Variants in NFIA observed in about 807,000 individuals in gnomAD.
NFIA encodes the protein nuclear factor 1 A-type.
In NFIA, 8 loss-of-function variants were observed where a neutral mutation model predicts 62.8. That is an observed-to-expected ratio of 0.13 (90% CI 0.07 to 0.23). NFIA has a LOEUF of 0.23. Ranked by LOEUF, NFIA falls within the 10% of genes least tolerant of loss-of-function variation. The pLI is 1.00. For synonymous variants in NFIA, 235 were observed against 238.1 expected (o/e 0.99, Z 0.12); for missense variants, 410 against 642.1 (o/e 0.64, Z 3.91).
At chr1:61,106,566 A>G (rs1434819067) in intron 2 of NFIA, among the ~76,000 whole-genome samples, 2 of 151,890 alleles carry the variant, frequency 1.3e-5, no homozygotes, top group African/African-American at 4.8e-5. Context: ...TGGAAATCCA[A>G]ATGTATTTCT....
At chr1:61,247,369 G>A (rs1655713345) in intron 2 of NFIA, among the ~76,000 whole-genome samples, 2 of 152,214 alleles carry the variant, frequency 1.3e-5, no homozygotes, top group South Asian at 2.1e-4. Flanking sequence ...CTTTCAGAAT[G>A]TATGTGTTTG....
In NFIA at chr1:61,415,622, CA is replaced by C. The variant is rs137915869; in HGVS notation, c.1420+8898del. ...GTGATATTTTTACCTATTAGATTAGCAAAGATCAAAAGGTGTCTTAACACAA... is the reference window on the plus strand; with the variant it reads ...GTGATATTTTTACCTATTAGATTAGCAAGATCAAAAGGTGTCTTAACACAA... On this transcript the variant is annotated intron_variant, in intron 9 of 10. Coordinates refer to ENST00000403491, the MANE Select transcript of NFIA (RefSeq NM_001134673.4). 5.5e-3 allele frequency among the ~76,000 whole-genome samples: 839 copies of C among 152,128 alleles called. 4 individuals are homozygous for C. Among genetic ancestry groups the C allele is most frequent in the Non-Finnish European group, 9.7e-3 (657 of 67,944 alleles).
chr1:61,437,812 A>C (rs1390195874), intron 10 of NFIA, among the ~76,000 whole-genome samples: 2 of 152,162 alleles, frequency 1.3e-5, no homozygotes, highest in Non-Finnish European at 2.9e-5. Flanking sequence ...GGAACAGTGC[A>C]TGCAAAGGAA....
chr1:61,345,082 A>T (rs773801489), intron 4 of NFIA, among the ~76,000 whole-genome samples: 2 of 150,506 alleles, frequency 1.3e-5, no homozygotes, highest in African/African-American at 2.4e-5. Context: ...CATTCTACTT[A>T]TGACAGGAAA....
intron 2 of NFIA, among the ~76,000 whole-genome samples, chr1:61,249,681 G>T (rs6587913): frequency 0.44 from 66,856 of 151,892 alleles, 18,101 homozygotes; most frequent in African/African-American, 0.76. Flanking sequence ...GGCAGTCGCC[G>T]GTAGTCCCAG....
Position 61,212,565 on chromosome 1 carries a change from T to G in NFIA, c.560-64955T>G, listed in dbSNP as rs184103758. 3.1e-4 allele frequency among the ~76,000 whole-genome samples: 47 copies of G among 152,346 alleles called. No individual in the cohort carries two copies. The East Asian group carries it at 8.7e-3, about 28-fold the overall frequency. On this transcript the variant is annotated intron_variant, in intron 2 of 10. Transcript: ENST00000403491. ...ATCTGCTTGTGAATTTTAAAGAAGC[T>G]CATTTTCTATAACATTAAAAAGAGG...
upstream of NFIA, among the ~76,000 whole-genome samples, chr1:61,081,406 G>A (rs1374620303): frequency 6.6e-6 from 1 of 152,012 alleles, no homozygotes; most frequent in Admixed American, 6.5e-5. Context: ...CTGGGGGAGG[G>A]AAAAAAGGGA....
At chr1:61,301,671 A>G (rs553225287) in intron 3 of NFIA, among the ~76,000 whole-genome samples, 38 of 152,222 alleles carry the variant, frequency 2.5e-4, no homozygotes, top group Non-Finnish European at 5.4e-4. Flanking sequence ...GATTTATTTA[A>G]CAGTATAATG....
intron 2 of NFIA, among the ~76,000 whole-genome samples, chr1:61,108,400 C>G (rs971113590): frequency 2.6e-5 from 4 of 151,482 alleles, no homozygotes. Context: ...ACTCTAATTT[C>G]TAGTATAGAA....
intron 6 of NFIA, among the ~76,000 whole-genome samples, chr1:61,367,488 AC>A (rs1201230949): frequency 1.3e-5 from 2 of 152,180 alleles, no homozygotes; most frequent in Non-Finnish European, 2.9e-5. Context: ...ATCATCTGGG[AC>A]CACATCCTCT....
At chr1:61,134,837 A>G (rs907717265) in intron 2 of NFIA, among the ~76,000 whole-genome samples, 3 of 152,226 alleles carry the variant, frequency 2.0e-5, no homozygotes, top group African/African-American at 7.2e-5. Flanking sequence ...TATCATAAAT[A>G]AAAACAAATT....
upstream of NFIA, chr1:61,081,860 T>A: frequency 6.5e-7 from 1 of 1,537,406 alleles, no homozygotes; most frequent in Non-Finnish European, 8.7e-7. Flanking sequence ...GCTGGAGAGA[T>A]TACAATGCTT....
intron 6 of NFIA, among the ~76,000 whole-genome samples, chr1:61,368,284 C>G (rs750524902): frequency 4.6e-5 from 7 of 152,146 alleles, no homozygotes; most frequent in Non-Finnish European, 1.0e-4. Flanking sequence ...CTCAGTACAG[C>G]CCCCGTGGCT....
intron 3 of NFIA, among the ~76,000 whole-genome samples, chr1:61,307,198 A>T (rs1400286052): frequency 6.6e-6 from 1 of 151,906 alleles, no homozygotes; most frequent in Non-Finnish European, 1.5e-5. Flanking sequence ...TGAAATCCTG[A>T]CTCCATGGTG....
At chr1:61,079,886 T>C (rs1646074411), upstream of NFIA, among the ~76,000 whole-genome samples, 1 of 152,202 alleles carries the variant, frequency 6.6e-6, no homozygotes, top group South Asian at 2.1e-4. Flanking sequence ...TGTGTTTAAA[T>C]TTATGCCTGT....
chr1:61,137,352 C>T (rs1014456961), intron 2 of NFIA, among the ~76,000 whole-genome samples: 5 of 152,156 alleles, frequency 3.3e-5, no homozygotes, highest in Admixed American at 2.6e-4. Context: ...AGAAAGGCTA[C>T]GTGAATTGCA....
At chr1:61,240,528 T>G (rs1655284160) in intron 2 of NFIA, among the ~76,000 whole-genome samples, 1 of 152,070 alleles carries the variant, frequency 6.6e-6, no homozygotes, top group African/African-American at 2.4e-5. Context: ...GGGGTCTTTT[T>G]TTTAATCGTA....
intron 2 of NFIA, among the ~76,000 whole-genome samples, chr1:61,112,377 A>G (rs1182608210): frequency 6.6e-6 from 1 of 152,132 alleles, no homozygotes; most frequent in Non-Finnish European, 1.5e-5. Context: ...AGTACAGAGT[A>G]ACCATGACTT....
chr1:61,250,290 G>A (rs752595550), intron 2 of NFIA, among the ~76,000 whole-genome samples: 4 of 152,254 alleles, frequency 2.6e-5, no homozygotes, highest in Middle Eastern at 6.8e-3. Flanking sequence ...TAAGCATGGC[G>A]TCTCTGTAAG....
Sources: gnomAD v4.1 joint callset for allele counts (sites outside exome capture counted in the v4.1 genomes callset) on GRCh38, gnomAD v4.1.1 for gene constraint, MANE v1.5 for transcripts, NCBI Gene and HGNC (gene_info 2026-07-23, HGNC 2026-07-21) for gene names.